The following ATP10D variants were observed in gnomAD, a reference collection of about 807,000 sequenced individuals.
ATP10D encodes phospholipid-transporting ATPase VD.
A neutral mutation model predicts 144.8 loss-of-function variants in ATP10D; 89 were observed. That is an observed-to-expected ratio of 0.61 (90% CI 0.52 to 0.73). ATP10D has a LOEUF of 0.73. Ranked by LOEUF, ATP10D falls within the 30% of genes least tolerant of loss-of-function variation. The pLI is 0.00. For missense variants in ATP10D, 1,603 were observed against 1,714.8 expected (o/e 0.93, Z 1.15); for synonymous variants, 571 against 615.1 (o/e 0.93, Z 1.06).
At chr4:47,549,144 G>A (rs13123471) in intron 10 of ATP10D, among the ~76,000 whole-genome samples, 36,182 of 152,146 alleles carry the variant, frequency 0.24, 4,305 homozygotes, top group Admixed American at 0.3. Flanking sequence ...AGAAACCTCT[G>A]CTTTGTAAGC....
rs747285039 is a variant in ATP10D, at chr4:47,546,826, G to A, written c.1599G>A (p.Val533=). ...TLGSGEGASE[V]PHSRQAAFSS... ...GAAGTGGAGAAGGAGCCAGTGAAGTGCCTCATTCCAGACAGGCTGCTTTCA... is the reference window on the plus strand; with the variant it reads ...GAAGTGGAGAAGGAGCCAGTGAAGTACCTCATTCCAGACAGGCTGCTTTCA... Residue 533 remains valine, a synonymous_variant, in exon 10 of 23, where the codon GTG becomes GTA. Transcript: ENST00000273859. 3 of 1,613,200 alleles carry A rather than the reference G, an allele frequency of 1.9e-6. No individual in the cohort carries two copies. Among genetic ancestry groups the A allele is most frequent in the Non-Finnish European group, 2.5e-6 (3 of 1,179,974 alleles).
intron 1 of ATP10D, among the ~76,000 whole-genome samples, chr4:47,508,034 CA>C (rs1161743688): frequency 6.6e-6 from 1 of 152,184 alleles, no homozygotes; most frequent in East Asian, 1.9e-4. Flanking sequence ...GACCCCATTC[CA>C]GATCCTCTAA....
At chr4:47,546,892 C>T in intron 10 of ATP10D, 30 bp downstream of exon 10, 1 of 1,571,774 alleles carries the variant, frequency 6.4e-7, no homozygotes, top group Non-Finnish European at 8.7e-7. Context: ...TAGAGTCTTG[C>T]ACATCCACAA....
Position 47,563,676 on chromosome 4 carries a change from G to T in ATP10D, c.2764G>T (p.Asp922Tyr). Residue 922 changes from aspartate (D) to tyrosine (Y), a missense_variant, in exon 15 of 23, where the codon GAC becomes TAC. By Grantham distance (160) the Asp-to-Tyr change is radical. Transcript: ENST00000273859. ...AGIKIWMLTG[D>Y]KQETAVNIAY... is the part of the protein sequence containing the mutation. ...CATCAAGATCTGGATGCTGACAGGG[G>T]ACAAGCAGGAGACAGCTGTCAACAT... The T allele has an allele frequency of 6.2e-7, 1 of 1,613,970 alleles. No individual in the cohort carries two copies. Among genetic ancestry groups the T allele is most frequent in the Non-Finnish European group, 8.5e-7 (1 of 1,179,946 alleles).
chr4:47,496,649 C>T (rs1715391760), intron 1 of ATP10D, among the ~76,000 whole-genome samples: 1 of 151,974 alleles, frequency 6.6e-6, no homozygotes, highest in South Asian at 2.1e-4. Context: ...ATTCTACATT[C>T]AGAGTCAAAA....
chr4:47,515,581 A>G lies in ATP10D; in HGVS notation c.396A>G (p.Thr132=). 1.2e-6 allele frequency: 2 copies of G among 1,613,318 alleles called. No homozygotes were observed. Among genetic ancestry groups the G allele is most frequent in the Non-Finnish European group, 1.7e-6 (2 of 1,179,268 alleles). Reference sequence around the variant, plus strand: ...TGTTGCCTCTGGTGGTGGTCCTTACAATTATCGCAATTAAAGATGGCCTGG... The same window carrying G: ...TGTTGCCTCTGGTGGTGGTCCTTACGATTATCGCAATTAAAGATGGCCTGG... The part of the protein sequence containing the change: ...ITMLPLVVVL[T]IIAIKDGLED... Residue 132 remains threonine, a synonymous_variant, in exon 3 of 23, where the codon ACA becomes ACG. Coordinates refer to ENST00000273859, the MANE Select transcript of ATP10D (RefSeq NM_020453.4).
At chr4:47,537,033 G>A (rs1214707731) in intron 9 of ATP10D, 95 bp downstream of exon 9, 1 of 1,421,888 alleles carries the variant, frequency 7.0e-7, no homozygotes, top group African/African-American at 1.4e-5. Flanking sequence ...ACATAGAAGT[G>A]GTTTATTTAA....
At chr4:47,563,475 A>G in intron 14 of ATP10D, 106 bp from the exon 15 acceptor site, 1 of 975,738 alleles carries the variant, frequency 1.0e-6, no homozygotes. Flanking sequence ...CAGTTTATGT[A>G]GTGTAGGGTT....
chr4:47,547,430 C>A (rs1718497748), intron 10 of ATP10D: 1 of 152,516 alleles, frequency 6.6e-6, no homozygotes, highest in Non-Finnish European at 1.5e-5. Context: ...TAGTCACATC[C>A]ATTAACAAAT....
chr4:47,506,748 A>G (rs1716039130), intron 1 of ATP10D, among the ~76,000 whole-genome samples: 1 of 152,228 alleles, frequency 6.6e-6, no homozygotes, highest in African/African-American at 2.4e-5. Flanking sequence ...ATGTGGTTTT[A>G]CAAAGTTTGT....
intron 10 of ATP10D, among the ~76,000 whole-genome samples, chr4:47,548,405 C>T (rs1433209338): frequency 6.6e-6 from 1 of 152,166 alleles, no homozygotes; most frequent in Non-Finnish European, 1.5e-5. Flanking sequence ...CTTTCAGCAT[C>T]CGAGCTCTGT....
chr4:47,495,886 C>T (rs747003958), intron 1 of ATP10D, among the ~76,000 whole-genome samples: 11 of 151,794 alleles, frequency 7.2e-5, no homozygotes, highest in Admixed American at 3.3e-4. Flanking sequence ...TACCGGCATG[C>T]GCCACCGCGC....
intron 22 of ATP10D, among the ~76,000 whole-genome samples, chr4:47,589,203 G>T (rs1720921660): frequency 2.0e-5 from 3 of 152,168 alleles, no homozygotes; most frequent in Non-Finnish European, 1.5e-5. Flanking sequence ...TCCAGAGGGA[G>T]CATGCCCTTT....
intron 1 of ATP10D, among the ~76,000 whole-genome samples, chr4:47,489,760 A>G (rs940062071): frequency 2.0e-5 from 3 of 152,194 alleles, no homozygotes; most frequent in Admixed American, 6.5e-5. Context: ...TTCTGCTCAC[A>G]TTCACTGTTT....
chr4:47,493,552 G>A (rs560436884), intron 1 of ATP10D, among the ~76,000 whole-genome samples: 20 of 152,258 alleles, frequency 1.3e-4, no homozygotes, highest in African/African-American at 3.9e-4. Flanking sequence ...ATGTTCAGTA[G>A]GTTAGTGTAT....
chr4:47,516,564 G>A (rs1716699560), intron 3 of ATP10D, among the ~76,000 whole-genome samples: 1 of 152,202 alleles, frequency 6.6e-6, no homozygotes, highest in Non-Finnish European at 1.5e-5. Flanking sequence ...AGAGGAAAAT[G>A]TTAGGAAAGG....
In ATP10D at chr4:47,576,962, C is replaced by G. The variant is rs768976888; in HGVS notation, c.3556C>G (p.Gln1186Glu). Residue 1186 changes from glutamine (Q) to glutamate (E), a missense_variant, in exon 19 of 23, where the codon CAG becomes GAG. By Grantham distance (29) the Gln-to-Glu change is conservative (BLOSUM62 2). Coordinates refer to ENST00000273859, the MANE Select transcript of ATP10D (RefSeq NM_020453.4). Reference protein sequence around the residue: ...MQLPELYRSGQKSEAYLPHTF... With the variant: ...MQLPELYRSGEKSEAYLPHTF... The stretch of plus-strand genomic sequence containing the variant: ...ACTGCCTGAACTTTACAGAAGTGGT[C>G]AGAAATCAGAGGTAGGTGTTAAAGC... 18 of 1,613,972 alleles carry G rather than the reference C, an allele frequency of 1.1e-5. No individual in the cohort carries two copies. Among genetic ancestry groups the G allele is most frequent in the Non-Finnish European group, 1.5e-5 (18 of 1,179,980 alleles).
intron 1 of ATP10D, among the ~76,000 whole-genome samples, chr4:47,494,560 T>A (rs945187927): frequency 2.6e-5 from 4 of 151,622 alleles, no homozygotes; most frequent in Non-Finnish European, 1.5e-5. Context: ...TCACTTTATC[T>A]TAATGGGCCC....
Position 47,496,156 on chromosome 4 carries a change from C to CTTTTTTT in ATP10D, c.-38+10649_-38+10655dup, listed in dbSNP as rs5858072. 3.2e-4 allele frequency among the ~76,000 whole-genome samples: 43 copies of CTTTTTTT among 132,858 alleles called. 1 individual carries two copies. Among genetic ancestry groups the CTTTTTTT allele is most frequent in the Non-Finnish European group, 4.8e-4 (31 of 64,114 alleles). 87.2% of individuals were successfully genotyped at this position (132,858 alleles called of 152,430 possible). ...CATTTGTGTAGTGACTTTCCTTTTT[C>CTTTTTTT]TTTTTTTTTTTTTTTTTTGAGACGG... is the stretch of plus-strand genomic sequence containing the variant. On this transcript the variant is annotated intron_variant, in intron 1 of 22. Transcript: ENST00000273859.
Sources: allele counts gnomAD v4.1 joint callset (sites outside exome capture counted in the v4.1 genomes callset), GRCh38; gene constraint gnomAD v4.1.1; transcripts MANE v1.5; gene names NCBI Gene and HGNC (gene_info 2026-07-23, HGNC 2026-07-21).